Variants in ROBO2 observed in about 807,000 individuals in gnomAD.
ROBO2 encodes roundabout guidance receptor 2, also known as roundabout homolog 2.
ROBO2 carries 53 observed loss-of-function variants against 160.8 expected under a neutral mutation model. The ratio of observed to expected loss-of-function variants is 0.33; its 90% confidence interval spans 0.26 to 0.41. ROBO2 has a LOEUF of 0.41. ROBO2 is among the 10% of genes least tolerant of loss of function. The pLI is 1.00. For synonymous variants in ROBO2, 664 were observed against 611.7 expected (o/e 1.09, Z -1.26); for missense variants, 1,577 against 1,722.4 (o/e 0.92, Z 1.49).
Position 76,545,393 on chromosome 3 carries a change from A to C in ROBO2, c.110-552621A>C, listed in dbSNP as rs954993528. ...GTCATCACCTAGAAGTTTTGGACAA[A>C]AGAGTTTTCCATGTTTCTGTCAAAG... On this transcript the variant is annotated intron_variant, in intron 2 of 26. Coordinates refer to the ROBO2 transcript ENST00000487694. 8.6e-5 allele frequency among the ~76,000 whole-genome samples: 13 copies of C among 151,904 alleles called. 1 individual carries two copies. Among genetic ancestry groups the C allele is most frequent in the African/African-American group, 3.1e-4 (13 of 41,430 alleles).
At position 76,179,877 on chromosome 3, in the gene ROBO2, A is replaced by C. The variant is rs113042172; in HGVS notation, c.109+242275A>C. Among the ~76,000 whole-genome samples the C allele has an allele frequency of 8.9e-3, 1,352 of 152,208 alleles. 22 individuals are homozygous for C. The highest frequency in any genetic ancestry group is 0.031 in the African/African-American group (1,298 of 41,528). ...CACTTTTTATAAAGTGGTGACTTCC[A>C]ATTTGTTTCACTAAATTATAAGCTC... is the stretch of plus-strand genomic sequence containing the variant. On this transcript the variant is annotated intron_variant, in intron 2 of 26. Transcript: ENST00000487694.
intron 2 of ROBO2, among the ~76,000 whole-genome samples, chr3:76,198,636 G>A (rs1359563320): frequency 1.3e-5 from 2 of 152,038 alleles, no homozygotes; most frequent in Non-Finnish European, 2.9e-5. Flanking sequence ...ACCTTTTAAA[G>A]GTCTGAATAA....
intron 2 of ROBO2, among the ~76,000 whole-genome samples, chr3:76,891,619 A>G (rs1302662954): frequency 6.6e-6 from 1 of 152,202 alleles, no homozygotes; most frequent in African/African-American, 2.4e-5. Flanking sequence ...CCAGTGGATA[A>G]CAAAAACAAG....
At chr3:77,092,756 ATAGT>A (rs1187003246) in intron 1 of ROBO2, among the ~76,000 whole-genome samples, 2 of 150,050 alleles carry the variant, frequency 1.3e-5, no homozygotes, top group African/African-American at 4.9e-5. Context: ...AGAATTGTAG[ATAGT>A]TATTTTCATA....
At chr3:75,933,432 G>A (rs184589190) in intron 1 of ROBO2, among the ~76,000 whole-genome samples, 273 of 152,256 alleles carry the variant, frequency 1.8e-3, no homozygotes, top group African/African-American at 6.4e-3. Flanking sequence ...CACTGGCACA[G>A]CCCAAGTTTC....
At chr3:76,036,230 A>T (rs1227289173) in intron 2 of ROBO2, among the ~76,000 whole-genome samples, 2 of 151,932 alleles carry the variant, frequency 1.3e-5, no homozygotes, top group African/African-American at 4.8e-5. Context: ...GCTCACTGCA[A>T]CCGCCGCCTC....
At chr3:77,577,672 T>G in intron 15 of ROBO2, 58 bp downstream of exon 16, 3 of 1,596,078 alleles carry the variant, frequency 1.9e-6, no homozygotes, top group Non-Finnish European at 2.6e-6. Flanking sequence ...GAAATCTCAG[T>G]GTCTCACGAA....
chr3:76,464,934 T>C (rs535923665), intron 2 of ROBO2, among the ~76,000 whole-genome samples: 41 of 152,128 alleles, frequency 2.7e-4, no homozygotes, highest in Non-Finnish European at 3.8e-4. Context: ...CTTACAATCT[T>C]TATGAGTGTC....
intron 17 of ROBO2, among the ~76,000 whole-genome samples, chr3:77,593,825 A>G (rs910335252): frequency 2.6e-5 from 4 of 152,166 alleles, no homozygotes; most frequent in Admixed American, 2.6e-4. Context: ...ATTAAGTGGC[A>G]ATATATCCTC....
intron 2 of ROBO2, among the ~76,000 whole-genome samples, chr3:76,881,328 T>G (rs1270669869): frequency 6.6e-6 from 1 of 152,140 alleles, no homozygotes; most frequent in East Asian, 1.9e-4. Context: ...TGTCTTAGAG[T>G]CTGAACAGTG....
At chr3:77,482,877 A>G (rs1179378327) in intron 4 of ROBO2, among the ~76,000 whole-genome samples, 2 of 152,146 alleles carry the variant, frequency 1.3e-5, no homozygotes, top group South Asian at 2.1e-4. Flanking sequence ...AAAAAAAGCT[A>G]TATTACTGCA....
At chr3:75,999,034 T>G (rs1194589179) in intron 2 of ROBO2, among the ~76,000 whole-genome samples, 1 of 152,192 alleles carries the variant, frequency 6.6e-6, no homozygotes, top group Admixed American at 6.5e-5. Context: ...TTGGAGGTGG[T>G]AGAGTGTAGT....
rs548446773 is a variant in ROBO2 at position 76,726,414 on chromosome 3, T to A, written c.110-371600T>A. ...CCTCCCGCAACTTGCTTACTGCAAT[T>A]TTTCTCATTCTCTAGATTTGTGTTC... On this transcript the variant is annotated intron_variant, in intron 2 of 26. Coordinates refer to the ROBO2 transcript ENST00000487694. 2.0e-5 allele frequency among the ~76,000 whole-genome samples: 3 copies of A among 152,320 alleles called. No homozygotes were observed. In the East Asian group the frequency reaches 5.8e-4, roughly 29 times the overall value.
At chr3:76,988,326 A>G (rs892927210) in intron 2 of ROBO2, among the ~76,000 whole-genome samples, 1 of 152,160 alleles carries the variant, frequency 6.6e-6, no homozygotes, top group Non-Finnish European at 1.5e-5. Flanking sequence ...CTCTTTGGTC[A>G]GGTCTCCACC....
At chr3:77,627,535 T>G (rs2095056281) in intron 23 of ROBO2, among the ~76,000 whole-genome samples, 1 of 152,296 alleles carries the variant, frequency 6.6e-6, no homozygotes, top group African/African-American at 2.4e-5. Context: ...TCTGCCCATT[T>G]TAGCCTCCCA....
intron 2 of ROBO2, among the ~76,000 whole-genome samples, chr3:76,373,156 A>G (rs1210774639): frequency 6.6e-6 from 1 of 151,982 alleles, no homozygotes; most frequent in Non-Finnish European, 1.5e-5. Flanking sequence ...TGGAATAAAT[A>G]ATTCCATTGG....
intron 2 of ROBO2, among the ~76,000 whole-genome samples, chr3:77,001,487 G>T (rs1161720371): frequency 6.6e-6 from 1 of 152,088 alleles, no homozygotes; most frequent in Non-Finnish European, 1.5e-5. Flanking sequence ...AAGAACAGCA[G>T]ATCTTTTCAC....
chr3:76,033,368 A>T (rs2066992346), intron 2 of ROBO2, among the ~76,000 whole-genome samples: 1 of 152,124 alleles, frequency 6.6e-6, no homozygotes, highest in Non-Finnish European at 1.5e-5. Flanking sequence ...CTTAGTGTGA[A>T]TACTAAAAGG....
At position 76,844,546 on chromosome 3, in the gene ROBO2, A is replaced by T. The variant is rs149864101; in HGVS notation, c.110-253468A>T. Among the ~76,000 whole-genome samples, 534 of 152,002 alleles carry T rather than the reference A, an allele frequency of 3.5e-3. 8 individuals are homozygous for T. Among genetic ancestry groups the T allele is most frequent in the African/African-American group, 0.012 (501 of 41,510 alleles). ...TAACATTGTGTACTTGAGCCTCTATATTTACTTCAGTGATTTTTCTCTCCA... is the reference window on the plus strand; with the variant it reads ...TAACATTGTGTACTTGAGCCTCTATTTTTACTTCAGTGATTTTTCTCTCCA... On this transcript the variant is annotated intron_variant, in intron 2 of 26. Coordinates refer to the ROBO2 transcript ENST00000487694.
Sources: gnomAD v4.1 joint callset for allele counts (sites outside exome capture counted in the v4.1 genomes callset) on GRCh38, gnomAD v4.1.1 for gene constraint, MANE v1.5 for transcripts, NCBI Gene and HGNC (gene_info 2026-07-23, HGNC 2026-07-21) for gene names.